CSE1L: variants seen among roughly 807,000 people sequenced by gnomAD.
The protein encoded by CSE1L is chromosome segregation 1 like.
Under a neutral mutation model 120.4 loss-of-function variants are expected in CSE1L, and 24 were observed. That is an observed-to-expected ratio of 0.20 (90% CI 0.14 to 0.28). The LOEUF (loss-of-function observed/expected upper bound fraction) is 0.28. CSE1L is among the 10% of genes least tolerant of loss of function. CSE1L has a pLI of 1.00. For missense variants in CSE1L, 830 were observed against 1,145.2 expected (o/e 0.72, Z 3.97); for synonymous variants, 402 against 398.3 (o/e 1.01, Z -0.11).
rs59986218 is a variant in CSE1L at position 49,047,564 on chromosome 20, C to CTTTTTTTTTT, written c.-12+1160_-12+1169dup. Among the ~76,000 whole-genome samples the CTTTTTTTTTT allele has an allele frequency of 2.6e-3, 185 of 69,862 alleles. 28 individuals carry two copies. Among genetic ancestry groups the CTTTTTTTTTT allele is most frequent in the African/African-American group, 8.5e-3 (110 of 12,964 alleles). 45.8% of individuals were successfully genotyped at this position (69,862 alleles called of 152,430 possible). A position where few individuals can be genotyped will look rare whatever the true frequency, so the allele number is the denominator to read the frequency against. On this transcript the variant is annotated intron_variant, in intron 1 of 24. Coordinates refer to ENST00000262982, the MANE Select transcript of CSE1L (RefSeq NM_001316.4). ...TCTTTTTCTTTTTCTTTTCTCTTTT[C>CTTTTTTTTTT]TTTTTTTTTTTTTTTTTTTTTTTTT... is the stretch of plus-strand genomic sequence containing the variant.
At position 49,089,726 on chromosome 20, in the gene CSE1L, A is replaced by G; in HGVS notation, c.2161A>G (p.Ser721Gly). 1 of 1,614,200 alleles carries G rather than the reference A, an allele frequency of 6.2e-7. No individual in the cohort carries two copies. Among genetic ancestry groups the G allele is most frequent in the Non-Finnish European group, 8.5e-7 (1 of 1,180,002 alleles). Residue 721 changes from serine to glycine, a missense_variant, in exon 19 of 25, where the codon AGT (serine) becomes GGT (glycine). Physicochemically the swap from Ser to Gly is moderately conservative, Grantham distance 56. This residue lies in a region of CSE1L where 168 missense variants were observed against 267.9 expected (regional missense o/e 0.63). Transcript: ENST00000262982. Reference sequence around the variant, plus strand: ...AGAACGCGGTTCAAACACAATAGCAAGTGCTGCAGCTGACAAAATTGTGCG... The same window carrying G: ...AGAACGCGGTTCAAACACAATAGCAGGTGCTGCAGCTGACAAAATTGTGCG... ...FLERGSNTIA[S>G]AAADKIPGLL... is the part of the protein sequence containing the mutation.
intron 22 of CSE1L, among the ~76,000 whole-genome samples, chr20:49,093,439 A>G (rs181151990): frequency 2.0e-4 from 30 of 152,282 alleles, no homozygotes; most frequent in African/African-American, 6.7e-4. Flanking sequence ...TTAAATAGCC[A>G]TTAGCATTTA....
intron 2 of CSE1L, among the ~76,000 whole-genome samples, chr20:49,061,114 A>G (rs1232002227): frequency 6.6e-6 from 1 of 152,152 alleles, no homozygotes; most frequent in Non-Finnish European, 1.5e-5. Flanking sequence ...TAATGGCTCT[A>G]ATCTTTAATC....
At position 49,046,841 on chromosome 20, in the gene CSE1L, G is replaced by A. The variant is rs377627612; in HGVS notation, c.-12+418G>A. ...GCGACGGTGGCTGCTAGCCGCGCGA[G>A]CTGAGTGTGCGGCGGCGAGGCCTGC... On this transcript the variant is annotated intron_variant, in intron 1 of 24. Transcript: ENST00000262982. Among the ~76,000 whole-genome samples, 16 of 152,350 alleles carry A rather than the reference G, an allele frequency of 1.1e-4. No homozygotes were observed. In the East Asian group the frequency reaches 3.1e-3, roughly 29 times the overall value.
At chr20:49,053,443 T>G (rs73611328) in intron 1 of CSE1L, among the ~76,000 whole-genome samples, 1 of 148,664 alleles carries the variant, frequency 6.7e-6, no homozygotes, top group Admixed American at 6.8e-5. Flanking sequence ...ATTGCAACCT[T>G]TGCCTCCCAG....
rs201121854 is a variant in CSE1L at position 49,068,416 on chromosome 20, G to GT, written c.568-298dup. ...ACCATGGCTAACGTGGTGAAACCCCGTCTCTACTAAAAATACAAAAAACAA... is the reference window on the plus strand; with the variant it reads ...ACCATGGCTAACGTGGTGAAACCCCGTTCTCTACTAAAAATACAAAAAACAA... On this transcript the variant is annotated intron_variant, in intron 6 of 24. Transcript: ENST00000262982. Among the ~76,000 whole-genome samples, 1,165 of 152,076 alleles carry GT rather than the reference G, an allele frequency of 7.7e-3. 17 individuals are homozygous for GT. The highest frequency in any genetic ancestry group is 0.026 in the African/African-American group (1,071 of 41,500).
At chr20:49,065,592 T>TTTTTTTTTTA (rs2091886422) in intron 3 of CSE1L, among the ~76,000 whole-genome samples, 2 of 125,704 alleles carry the variant, frequency 1.6e-5, no homozygotes, top group Non-Finnish European at 3.4e-5. Context: ...GGAAATTTTT[T>TTTTTTTTTTA]TTTTTTTTTT....
chr20:49,067,031 C>CAAAAAAAAAAA (rs60161542), intron 5 of CSE1L, among the ~76,000 whole-genome samples, 159 bp from the exon 6 acceptor site: 3 of 100,800 alleles, frequency 3.0e-5, no homozygotes, highest in African/African-American at 4.2e-5. Context: ...GACTCCGTCT[C>CAAAAAAAAAAA]AAAAAAAAAA....
At chr20:49,064,956 A>G (rs1229894691) in intron 3 of CSE1L, among the ~76,000 whole-genome samples, 1 of 151,434 alleles carries the variant, frequency 6.6e-6, no homozygotes, top group Non-Finnish European at 1.5e-5. Context: ...GGAGTTGGAG[A>G]CCAGCCTGGA....
intron 2 of CSE1L, among the ~76,000 whole-genome samples, chr20:49,061,167 ATTTTTTT>A (rs3092068): frequency 2.6e-5 from 3 of 116,308 alleles, no homozygotes; most frequent in African/African-American, 3.6e-5. Context: ...ACTATTAAAA[ATTTTTTT>A]TTTTTTTTTT....
chr20:49,047,167 C>T (rs2091719771), intron 1 of CSE1L, among the ~76,000 whole-genome samples: 1 of 152,122 alleles, frequency 6.6e-6, no homozygotes. Flanking sequence ...TCATTCCAGA[C>T]GTAGCCTCTC....
chr20:49,093,565 T>TC lies in CSE1L; in HGVS notation c.2448-575_2448-574insC, dbSNP rs1491515195. 1.2e-4 allele frequency among the ~76,000 whole-genome samples: 3 copies of TC among 24,726 alleles called. No homozygotes were observed. The East Asian group carries it at 0.012, about 98-fold the overall frequency. 16.2% of individuals were successfully genotyped at this position (24,726 alleles called of 152,430 possible). ...TTTTTTCCCTCCTTGCTCCTCTCTC[T>TC]TTTTTTTTTTTTTTTCTTTTTTTTT... On this transcript the variant is annotated intron_variant, in intron 22 of 24. Coordinates refer to ENST00000262982, the MANE Select transcript of CSE1L (RefSeq NM_001316.4).
chr20:49,064,302 C>CTT (rs1196668575), intron 3 of CSE1L, among the ~76,000 whole-genome samples: 1 of 152,236 alleles, frequency 6.6e-6, no homozygotes, highest in Non-Finnish European at 1.5e-5. Context: ...AAAAAGTCAA[C>CTT]TTTAAACTGC....
intron 21 of CSE1L, 68 bp downstream of exon 21, chr20:49,091,090 T>C (rs1264652397): frequency 2.9e-6 from 3 of 1,042,226 alleles, no homozygotes; most frequent in Non-Finnish European, 4.4e-6. Context: ...TTAGACTTTA[T>C]GGTTGCAGAT....
intron 3 of CSE1L, among the ~76,000 whole-genome samples, chr20:49,064,699 C>T (rs751686289): frequency 2.6e-5 from 4 of 152,020 alleles, no homozygotes; most frequent in East Asian, 1.9e-4. Context: ...GGCAACAGTG[C>T]CAGACACTGT....
chr20:49,055,034 C>G (rs2091795661), intron 1 of CSE1L, among the ~76,000 whole-genome samples: 1 of 152,226 alleles, frequency 6.6e-6, no homozygotes, highest in African/African-American at 2.4e-5. Context: ...CTTTGTGATT[C>G]ATTTGGCACT....
chr20:49,071,408 A>G (rs2091930443), intron 8 of CSE1L, among the ~76,000 whole-genome samples: 1 of 152,196 alleles, frequency 6.6e-6, no homozygotes, highest in Admixed American at 6.5e-5. Flanking sequence ...TTGCCCAGTT[A>G]ACCATGTGCT....
At position 49,088,000 on chromosome 20, in the gene CSE1L, AT is replaced by A; in HGVS notation, c.1724-5del. ...CTCTATTTGTTTTTGCTGTTTTTGT[AT>A]TTTACAGCTATCATGAGAAGTTTTT... On this transcript the variant is annotated splice_region_variant and splice_polypyrimidine_tract_variant and intron_variant, in intron 16 of 24. Coordinates refer to ENST00000262982, the MANE Select transcript of CSE1L (RefSeq NM_001316.4). 6.4e-7 allele frequency: 1 copy of A among 1,551,366 alleles called. No individual in the cohort carries two copies. Among genetic ancestry groups the A allele is most frequent in the Non-Finnish European group, 8.8e-7 (1 of 1,139,240 alleles).
In CSE1L at chr20:49,063,309, A is replaced by G; in HGVS notation, c.193A>G (p.Thr65Ala). Residue 65 changes from threonine (T) to alanine (A), a missense_variant, in exon 3 of 25, where the codon ACA becomes GCA. Physicochemically the swap from Thr to Ala is moderately conservative, Grantham distance 58. This residue lies in a region of CSE1L where 543 missense variants were observed against 640.2 expected (regional missense o/e 0.85). Coordinates refer to ENST00000262982, the MANE Select transcript of CSE1L (RefSeq NM_001316.4). ...DNVIKVCASV[T>A]FKNYIKRNWR... ...TGTTATCAAAGTATGTGCTTCAGTA[A>G]CATTCAAAAACTATATTAAAAGGAA... 1 of 1,530,096 alleles carries G rather than the reference A, an allele frequency of 6.5e-7. No homozygotes were observed. Among genetic ancestry groups the G allele is most frequent in the Non-Finnish European group, 8.8e-7 (1 of 1,130,528 alleles). The allele number at this position is 1,530,096 out of a possible 1,614,324, so 94.8% of individuals were successfully genotyped here. A position where few individuals can be genotyped will look rare whatever the true frequency, so the allele number is the denominator to read the frequency against.
Sources: gnomAD v4.1 joint callset for allele counts (sites outside exome capture counted in the v4.1 genomes callset) on GRCh38, gnomAD v4.1.1 for gene constraint, gnomAD v4.1.1 regional missense constraint, MANE v1.5 for transcripts, NCBI Gene and HGNC (gene_info 2026-07-23, HGNC 2026-07-21) for gene names.